RNF121: variants seen among roughly 807,000 people sequenced by gnomAD.
RNF121 encodes ring finger protein 121.
In RNF121, 21 loss-of-function variants were observed where a neutral mutation model predicts 46.5. That is an observed-to-expected ratio of 0.45 (90% CI 0.32 to 0.65). The LOEUF (loss-of-function observed/expected upper bound fraction) is 0.65, where lower values mean the gene tolerates loss of function less well. Ranked by LOEUF, RNF121 falls within the 30% of genes least tolerant of loss-of-function variation. The pLI is 0.04. For synonymous variants in RNF121, 139 were observed against 144.7 expected (o/e 0.96, Z 0.28); for missense variants, 346 against 416.0 (o/e 0.83, Z 1.46).
chr11:71,993,880 G>C (rs1208257807), intron 6 of RNF121, among the ~76,000 whole-genome samples: 2 of 132,510 alleles, frequency 1.5e-5, no homozygotes, highest in Non-Finnish European at 3.1e-5. Flanking sequence ...TCGGTCTGTT[G>C]CCCAGGCTGG....
chr11:71,992,752 G>GAGC (rs1291729969), intron 6 of RNF121, among the ~76,000 whole-genome samples: 1 of 152,216 alleles, frequency 6.6e-6, no homozygotes, highest in African/African-American at 2.4e-5. Flanking sequence ...AATGCTGCAA[G>GAGC]AGCAGCAGGT....
intron 3 of RNF121, among the ~76,000 whole-genome samples, chr11:71,968,731 TCA>T (rs1954348123): frequency 6.6e-6 from 1 of 152,188 alleles, no homozygotes; most frequent in Non-Finnish European, 1.5e-5. Flanking sequence ...GGGGCTGTGC[TCA>T]GTTATATTGT....
intron 1 of RNF121, among the ~76,000 whole-genome samples, chr11:71,942,787 T>TATAG (rs1554985376): frequency 0.019 from 2,817 of 144,884 alleles, 30 homozygotes; most frequent in Non-Finnish European, 0.021. Context: ...TATATATATA[T>TATAG]ATAGATATAT....
chr11:71,987,310 C>T (rs945084203), intron 5 of RNF121, among the ~76,000 whole-genome samples, 199 bp downstream of exon 5: 2 of 152,152 alleles, frequency 1.3e-5, no homozygotes, highest in Non-Finnish European at 2.9e-5. Flanking sequence ...TGAATATATA[C>T]AAAGTCAGAG....
rs549438421 is a variant in RNF121, at chr11:71,990,796, G to C, written c.627+79G>C. The stretch of plus-strand genomic sequence containing the variant: ...AGTTGATGTCACTTGTTTAATGGAA[G>C]AGAAAGGCACTAGGGTGAGATAAGC... On this transcript the variant is annotated intron_variant, in intron 6 of 8. Coordinates refer to ENST00000361756, the MANE Select transcript of RNF121 (RefSeq NM_018320.5). 381 of 1,547,192 alleles carry C rather than the reference G, an allele frequency of 2.5e-4. 2 individuals are homozygous for C. The South Asian group carries it at 4.1e-3, about 17-fold the overall frequency.
At position 71,996,351 on chromosome 11, in the gene RNF121, G is replaced by A. The variant is rs199822208; in HGVS notation, c.*36G>A. On this transcript the variant is annotated 3_prime_UTR_variant, in exon 9 of 9. Coordinates refer to ENST00000361756, the MANE Select transcript of RNF121 (RefSeq NM_018320.5). ...CATCAGTGGAAAACCCACCCCACACGCCATGGACCTCAGGGCACTCTCCTC... is the reference window on the plus strand; with the variant it reads ...CATCAGTGGAAAACCCACCCCACACACCATGGACCTCAGGGCACTCTCCTC... The A allele has an allele frequency of 2.1e-5, 33 of 1,609,476 alleles. No individual in the cohort carries two copies. In the East Asian group the frequency reaches 4.5e-4, roughly 22 times the overall value.
intron 3 of RNF121, chr11:71,978,101 G>C (rs554823968): frequency 7.9e-5 from 27 of 342,358 alleles, no homozygotes; most frequent in South Asian, 5.4e-4. Flanking sequence ...GGGTTTCACC[G>C]TGTTGCCCAG....
chr11:71,995,112 A>G (rs1954948610), intron 7 of RNF121: 2 of 568,314 alleles, frequency 3.5e-6, no homozygotes, highest in Admixed American at 3.0e-5. Context: ...AGATCTGACC[A>G]GTCACAGGGG....
chr11:71,943,835 G>A (rs1453944166), intron 1 of RNF121, among the ~76,000 whole-genome samples: 2 of 152,178 alleles, frequency 1.3e-5, no homozygotes, highest in Admixed American at 1.3e-4. Context: ...TGTGCAAGGT[G>A]GGAGGTGAGA....
chr11:71,948,783 G>A (rs1953791608), intron 1 of RNF121, among the ~76,000 whole-genome samples: 2 of 152,166 alleles, frequency 1.3e-5, no homozygotes, highest in African/African-American at 4.8e-5. Context: ...TGGCAAAGCT[G>A]AGGAGTTGGG....
intron 4 of RNF121, among the ~76,000 whole-genome samples, chr11:71,985,728 G>T (rs1954759384): frequency 6.6e-6 from 1 of 152,126 alleles, no homozygotes; most frequent in African/African-American, 2.4e-5. Flanking sequence ...TTACTAAATT[G>T]TTCATTAGCT....
intron 3 of RNF121, among the ~76,000 whole-genome samples, chr11:71,972,239 T>C (rs1954436381): frequency 6.6e-6 from 1 of 152,042 alleles, no homozygotes; most frequent in African/African-American, 2.4e-5. Flanking sequence ...TTAGAATGTC[T>C]GGGGTGAGGA....
At chr11:71,959,177 C>G (rs1046142206) in intron 2 of RNF121, among the ~76,000 whole-genome samples, 2 of 152,154 alleles carry the variant, frequency 1.3e-5, no homozygotes, top group African/African-American at 4.8e-5. Flanking sequence ...TCAGATTCTC[C>G]CACCCAGGGT....
At position 71,942,823 on chromosome 11, in the gene RNF121, CAT is replaced by C. The variant is rs1359715171; in HGVS notation, c.63+13706_63+13707del. 5.3e-5 allele frequency among the ~76,000 whole-genome samples: 8 copies of C among 150,586 alleles called. No homozygotes were observed. The East Asian group carries it at 7.8e-4, about 15-fold the overall frequency. ...ATATGTACACACACACACACACACA[CAT>C]ATATATGTATATATTTCTCACAGTT... On this transcript the variant is annotated intron_variant, in intron 1 of 8. Transcript: ENST00000361756.
chr11:71,958,330 T>A (rs1238446047), intron 2 of RNF121, among the ~76,000 whole-genome samples: 1 of 152,170 alleles, frequency 6.6e-6, no homozygotes, highest in Non-Finnish European at 1.5e-5. Flanking sequence ...AACAGGATGG[T>A]TTTGTTTTGT....
intron 3 of RNF121, among the ~76,000 whole-genome samples, chr11:71,961,253 C>T (rs905736372): frequency 7.9e-5 from 12 of 152,120 alleles, no homozygotes; most frequent in Non-Finnish European, 1.5e-4. Context: ...ATCTAGATTA[C>T]ACTAATCTAA....
At chr11:71,939,115 G>C (rs1319487188) in intron 1 of RNF121, 1 of 152,890 alleles carries the variant, frequency 6.5e-6, no homozygotes, top group African/African-American at 2.4e-5. Context: ...TATTAGCCAG[G>C]CTGATCTCGA....
intron 2 of RNF121, among the ~76,000 whole-genome samples, chr11:71,960,434 C>G (rs75813068): frequency 0.017 from 2,526 of 152,280 alleles, 73 homozygotes; most frequent in African/African-American, 0.058. Context: ...GGCAATGATG[C>G]AGGTTTCTCC....
intron 7 of RNF121, 118 bp downstream of exon 7, chr11:71,994,970 A>G (rs1954945603): frequency 7.3e-7 from 1 of 1,370,538 alleles, no homozygotes; most frequent in African/African-American, 1.4e-5. Flanking sequence ...AGTGTAGGAG[A>G]GCCACAAGAG....
Sources: allele counts gnomAD v4.1 joint callset (sites outside exome capture counted in the v4.1 genomes callset), GRCh38; gene constraint gnomAD v4.1.1; transcripts MANE v1.5; gene names NCBI Gene and HGNC (gene_info 2026-07-23, HGNC 2026-07-21).